The following PLXNA4 variants were observed in gnomAD, a reference collection of about 807,000 sequenced individuals.
The protein encoded by PLXNA4 is plexin A4, also known as plexin-A4.
Under a neutral mutation model 191.8 loss-of-function variants are expected in PLXNA4, and 44 were observed. That is an observed-to-expected ratio of 0.23 (90% CI 0.18 to 0.29). The LOEUF (loss-of-function observed/expected upper bound fraction) is 0.29. PLXNA4 is among the 10% of genes least tolerant of loss of function. The pLI, the probability that PLXNA4 is intolerant of heterozygous loss-of-function variation, is 1.00. For synonymous variants in PLXNA4, 1,082 were observed against 1,009.5 expected, an observed-to-expected ratio of 1.07 and a Z score of -1.36; for missense variants, 1,800 against 2,488.8, an observed-to-expected ratio of 0.72 and a Z score of 5.89.
chr7:132,375,370 T>C (rs1045806345), intron 3 of PLXNA4, among the ~76,000 whole-genome samples: 1 of 149,330 alleles, frequency 6.7e-6, no homozygotes, highest in Non-Finnish European at 1.5e-5. Flanking sequence ...AGAAACCCGG[T>C]TGTCCCCCAA....
At chr7:132,358,250 T>C (rs1185334811) in intron 3 of PLXNA4, among the ~76,000 whole-genome samples, 1 of 152,262 alleles carries the variant, frequency 6.6e-6, no homozygotes, top group Admixed American at 6.5e-5. Flanking sequence ...GTTTGTCATC[T>C]GTAGCAAGCA....
intron 9 of PLXNA4, among the ~76,000 whole-genome samples, chr7:132,214,478 C>T (rs1797902660): frequency 6.6e-6 from 1 of 152,214 alleles, no homozygotes; most frequent in African/African-American, 2.4e-5. Context: ...AGTGTCCCTC[C>T]TAATTGAAAT....
At chr7:132,577,148 G>T, upstream of PLXNA4, 2 of 146,674 alleles carry the variant, frequency 1.4e-5, no homozygotes, top group South Asian at 3.6e-4. Context: ...TGCGGCGGCG[G>T]AGAGCTCGGC....
intron 2 of PLXNA4, among the ~76,000 whole-genome samples, chr7:132,582,450 C>T (rs1007477468): frequency 1.3e-5 from 2 of 152,140 alleles, no homozygotes; most frequent in Non-Finnish European, 2.9e-5. Flanking sequence ...CAGTCTGCTC[C>T]CATGCTGAAT....
chr7:132,385,188 T>C (rs1585063591), intron 3 of PLXNA4: 1 of 1,614,020 alleles, frequency 6.2e-7, no homozygotes. Context: ...GAAGTTTTTC[T>C]CAGTTTGATG....
chr7:132,164,259 C>A lies in PLXNA4; in HGVS notation c.4383G>T (p.Leu1461=), dbSNP rs761232226. ...KECAGEPLFS[L]FCAIKQQMEK... is the part of the protein sequence containing the mutation. ...CCATCTGCTGCTTGATGGCACAGAA[C>A]AGGGAGAAGAGGGGCTCCCCAGCAC... Residue 1461 remains leucine (L), a synonymous_variant, in exon 24 of 32, where the codon CTG becomes CTT. Coordinates refer to ENST00000321063, the MANE Select transcript of PLXNA4 (RefSeq NM_020911.2). The A allele has an allele frequency of 6.2e-7, 1 of 1,614,194 alleles. No individual in the cohort carries two copies. Among genetic ancestry groups the A allele is most frequent in the Non-Finnish European group, 8.5e-7 (1 of 1,180,022 alleles).
At chr7:132,142,486 C>T (rs1202087614) in intron 29 of PLXNA4, among the ~76,000 whole-genome samples, 1 of 152,170 alleles carries the variant, frequency 6.6e-6, no homozygotes, top group African/African-American at 2.4e-5. Context: ...GCTCTATCTC[C>T]CAGCAGCCAG....
At chr7:132,591,022 G>T (rs1307516460) in intron 2 of PLXNA4, among the ~76,000 whole-genome samples, 1 of 152,120 alleles carries the variant, frequency 6.6e-6, no homozygotes, top group Non-Finnish European at 1.5e-5. Flanking sequence ...GAGTGCTCCT[G>T]CATGTCTGAT....
intron 3 of PLXNA4, among the ~76,000 whole-genome samples, chr7:132,361,676 C>A (rs1803948895): frequency 6.6e-6 from 1 of 152,190 alleles, no homozygotes; most frequent in Non-Finnish European, 1.5e-5. Flanking sequence ...ATTTGTTTAA[C>A]AGAATCATTT....
intron 3 of PLXNA4, among the ~76,000 whole-genome samples, chr7:132,448,466 T>C (rs1369851905): frequency 1.3e-5 from 2 of 152,194 alleles, no homozygotes; most frequent in African/African-American, 4.8e-5. Context: ...AAGAGTTTCA[T>C]GAAGAGGGTG....
At chr7:132,515,757 T>C (rs1482688929) in intron 1 of PLXNA4, among the ~76,000 whole-genome samples, 1 of 152,200 alleles carries the variant, frequency 6.6e-6, no homozygotes, top group East Asian at 1.9e-4. Flanking sequence ...TTCCGGGCCC[T>C]GAGTTAGACT....
intron 1 of PLXNA4, among the ~76,000 whole-genome samples, chr7:132,514,130 C>T (rs1798846295): frequency 6.6e-6 from 1 of 151,530 alleles, no homozygotes; most frequent in Non-Finnish European, 1.5e-5. Context: ...CAGCTCACTG[C>T]AAGCTCTGCC....
intron 29 of PLXNA4, among the ~76,000 whole-genome samples, chr7:132,144,387 T>C (rs1795359740): frequency 6.6e-6 from 1 of 152,198 alleles, no homozygotes; most frequent in Non-Finnish European, 1.5e-5. Flanking sequence ...AAAGGAAGGA[T>C]GATCCATGTT....
intron 10 of PLXNA4, among the ~76,000 whole-genome samples, chr7:132,208,842 G>A (rs1010927954): frequency 3.9e-5 from 6 of 152,182 alleles, no homozygotes. Flanking sequence ...CATGAAGGAG[G>A]AGACAGCACC....
At chr7:132,390,424 G>A (rs1230356809) in intron 3 of PLXNA4, among the ~76,000 whole-genome samples, 2 of 152,020 alleles carry the variant, frequency 1.3e-5, no homozygotes, top group South Asian at 2.1e-4. Context: ...TCGGGGGGTC[G>A]GGGGCTAGGG....
In PLXNA4 at chr7:132,557,577, A is replaced by C. The variant is rs1210254770; in HGVS notation, c.-87+18845T>G. On this transcript the variant is annotated intron_variant, in intron 1 of 31. Transcript: ENST00000321063. Reference sequence around the variant, plus strand: ...AAAAAAAAAAGTTTTCACCTTTGCAAAACCTTTGGACTTTTTGACCAAAGA... The same window carrying C: ...AAAAAAAAAAGTTTTCACCTTTGCACAACCTTTGGACTTTTTGACCAAAGA... Among the ~76,000 whole-genome samples the C allele has an allele frequency of 2.6e-5, 4 of 152,022 alleles. No individual in the cohort carries two copies. In the South Asian group the frequency reaches 8.3e-4, roughly 32 times the overall value.
chr7:132,281,300 AT>A (rs938461060), intron 4 of PLXNA4, among the ~76,000 whole-genome samples: 52 of 150,794 alleles, frequency 3.4e-4, no homozygotes, highest in Middle Eastern at 3.4e-3. Flanking sequence ...ATAAATCAAG[AT>A]TTTTTTTTTC....
At chr7:132,636,429 A>G (rs189535099) in intron 2 of PLXNA4, among the ~76,000 whole-genome samples, 17 of 152,292 alleles carry the variant, frequency 1.1e-4, no homozygotes, top group Non-Finnish European at 1.6e-4. Flanking sequence ...CTTCTGGGGT[A>G]TGGTTTTCTA....
At chr7:132,586,440 G>T (rs766711023) in intron 2 of PLXNA4, among the ~76,000 whole-genome samples, 6 of 152,196 alleles carry the variant, frequency 3.9e-5, no homozygotes, top group Non-Finnish European at 8.8e-5. Flanking sequence ...GAGCTTAACA[G>T]ATCTGCATTT....
Sources: gnomAD v4.1 joint callset for allele counts (sites outside exome capture counted in the v4.1 genomes callset) on GRCh38, gnomAD v4.1.1 for gene constraint, MANE v1.5 for transcripts, NCBI Gene and HGNC (gene_info 2026-07-23, HGNC 2026-07-21) for gene names.